INPP4B: variants seen among roughly 807,000 people sequenced by gnomAD.
INPP4B encodes the protein inositol polyphosphate 4-phosphatase type II.
A neutral mutation model predicts 122.5 loss-of-function variants in INPP4B; 55 were observed. That is an observed-to-expected ratio of 0.45 (90% CI 0.36 to 0.56). The LOEUF is 0.56. Ranked by LOEUF, INPP4B falls within the 20% of genes least tolerant of loss-of-function variation. INPP4B has a pLI of 0.00. For synonymous variants in INPP4B, 403 were observed against 388.7 expected (o/e 1.04, Z -0.43); for missense variants, 1,000 against 1,097.7 (o/e 0.91, Z 1.26).
intron 7 of INPP4B, among the ~76,000 whole-genome samples, chr4:142,383,439 C>A (rs1497389): frequency 0.27 from 40,378 of 151,992 alleles, 6,602 homozygotes; most frequent in South Asian, 0.39. Flanking sequence ...GGTTGTGGGT[C>A]AAACCTAACT....
At chr4:142,601,581 CAAAA>C (rs200657551) in intron 2 of INPP4B, among the ~76,000 whole-genome samples, 1 of 93,914 alleles carries the variant, frequency 1.1e-5, no homozygotes, top group Non-Finnish European at 2.2e-5. Context: ...ACTCCTATGT[CAAAA>C]AAAAAAAAAA....
At chr4:142,698,158 G>A (rs531485907) in intron 2 of INPP4B, among the ~76,000 whole-genome samples, 2 of 152,084 alleles carry the variant, frequency 1.3e-5, no homozygotes, top group African/African-American at 2.4e-5. Flanking sequence ...GCTACTGTTA[G>A]CATGAACATG....
intron 5 of INPP4B, among the ~76,000 whole-genome samples, chr4:142,413,175 T>C (rs1251768217): frequency 6.6e-6 from 1 of 152,214 alleles, no homozygotes; most frequent in Non-Finnish European, 1.5e-5. Context: ...TGGGTTTTTT[T>C]AGTTTGTTTT....
intron 2 of INPP4B, among the ~76,000 whole-genome samples, chr4:142,589,158 A>G (rs1382177107): frequency 1.3e-5 from 2 of 152,042 alleles, no homozygotes; most frequent in Non-Finnish European, 2.9e-5. Context: ...AAAATAACCA[A>G]GCACAAGGCT....
intron 2 of INPP4B, among the ~76,000 whole-genome samples, chr4:142,599,454 T>C (rs1739407756): frequency 6.6e-6 from 1 of 152,172 alleles, no homozygotes; most frequent in Admixed American, 6.5e-5. Flanking sequence ...ACAGAGAATA[T>C]GCTATGGCAC....
At chr4:142,068,160 G>T (rs578209798) in intron 25 of INPP4B, among the ~76,000 whole-genome samples, 1 of 152,214 alleles carries the variant, frequency 6.6e-6, no homozygotes, top group Non-Finnish European at 1.5e-5. Flanking sequence ...AGCCAGAAGA[G>T]AGTGGGGGCC....
rs1295778611 is a variant in INPP4B, at chr4:142,806,793, AAGAAAGAAAGAAAGAAAG to A, written c.-254+39398_-254+39415del. Among the ~76,000 whole-genome samples, 216 of 135,714 alleles carry A rather than the reference AAGAAAGAAAGAAAGAAAG, an allele frequency of 1.6e-3. 2 individuals carry two copies. The highest frequency in any genetic ancestry group is 4.2e-3 in the African/African-American group (150 of 35,618). 89.0% of individuals were successfully genotyped at this position (135,714 alleles called of 152,430 possible). A position where few individuals can be genotyped will look rare whatever the true frequency, so the allele number is the denominator to read the frequency against. ...AAAGAAAGAAAGAAAGAAGGAAAGA[AAGAAAGAAAGAAAGAAAG>A]AAAGAAAGAAAGAAAGAAAGAAAGA... On this transcript the variant is annotated intron_variant, in intron 1 of 25. Transcript: ENST00000262992.
At chr4:142,049,145 G>A (rs1017764608) in intron 25 of INPP4B, among the ~76,000 whole-genome samples, 7 of 151,756 alleles carry the variant, frequency 4.6e-5, no homozygotes, top group Admixed American at 2.0e-4. Flanking sequence ...CATTTTTACA[G>A]TAATTAAAAA....
intron 2 of INPP4B, among the ~76,000 whole-genome samples, chr4:142,486,387 T>A (rs764781595): frequency 5.9e-5 from 9 of 152,202 alleles, no homozygotes; most frequent in Non-Finnish European, 1.3e-4. Flanking sequence ...TTAAGCATTT[T>A]CATCATGCTT....
chr4:142,654,694 G>C (rs1753799604), intron 2 of INPP4B: 1 of 151,980 alleles, frequency 6.6e-6, no homozygotes, highest in Non-Finnish European at 1.5e-5. Flanking sequence ...ACATTACAAA[G>C]GAGACAAGGA....
intron 25 of INPP4B, among the ~76,000 whole-genome samples, chr4:142,058,801 C>T (rs960103630): frequency 5.3e-5 from 8 of 152,056 alleles, no homozygotes; most frequent in Admixed American, 6.6e-5. Flanking sequence ...ATACAGTTTT[C>T]CCTATTTCTA....
In INPP4B at chr4:142,609,402, A is replaced by G. The variant is rs368191541; in HGVS notation, c.-191+116437T>C. 1.3e-4 allele frequency among the ~76,000 whole-genome samples: 20 copies of G among 152,114 alleles called. No homozygotes were observed. In the East Asian group the frequency reaches 2.3e-3, roughly 18 times the overall value. The stretch of plus-strand genomic sequence containing the variant: ...GTTTTAAGTATGTGATTCTGTGCAC[A>G]TAAGTAAATGTGAGTTTTTATCCTA... On this transcript the variant is annotated intron_variant, in intron 2 of 25. Coordinates refer to ENST00000262992, the MANE Select transcript of INPP4B (RefSeq NM_001101669.3).
At chr4:142,525,057 A>C (rs1227977886) in intron 2 of INPP4B, among the ~76,000 whole-genome samples, 2 of 150,242 alleles carry the variant, frequency 1.3e-5, no homozygotes, top group Non-Finnish European at 3.0e-5. Flanking sequence ...ATACAAAATC[A>C]ATGTGCAAAA....
chr4:142,389,573 C>T (rs1797044987), intron 7 of INPP4B, among the ~76,000 whole-genome samples: 1 of 152,100 alleles, frequency 6.6e-6, no homozygotes, highest in South Asian at 2.1e-4. Context: ...TCATAAACTG[C>T]ATGTTTGGCT....
intron 1 of INPP4B, among the ~76,000 whole-genome samples, chr4:142,837,210 T>C (rs893779730): frequency 1.3e-5 from 2 of 150,746 alleles, no homozygotes; most frequent in South Asian, 2.1e-4. Flanking sequence ...GGTCTCAATA[T>C]GCAAACAGGT....
intron 3 of INPP4B, among the ~76,000 whole-genome samples, chr4:142,438,565 A>C (rs557494639): frequency 3.3e-4 from 50 of 152,338 alleles, no homozygotes; most frequent in Non-Finnish European, 6.5e-4. Flanking sequence ...GATGGTTTAA[A>C]GAGTTAAATG....
intron 2 of INPP4B, among the ~76,000 whole-genome samples, chr4:142,620,523 G>C (rs1196920983): frequency 2.6e-5 from 4 of 151,896 alleles, no homozygotes; most frequent in African/African-American, 9.7e-5. Flanking sequence ...TGGGGGAGGA[G>C]AGTGAGGATC....
intron 1 of INPP4B, chr4:142,767,675 C>G (rs546819363): frequency 1.5e-4 from 23 of 152,170 alleles, no homozygotes; most frequent in African/African-American, 5.1e-4. Flanking sequence ...GAAGGAGTTA[C>G]GAATGACAAG....
chr4:142,034,083 G>A (rs904125761), intron 25 of INPP4B, among the ~76,000 whole-genome samples: 3 of 152,114 alleles, frequency 2.0e-5, no homozygotes, highest in East Asian at 1.9e-4. Context: ...ATTCAGCTCC[G>A]AATATTGACA....
Sources: allele counts gnomAD v4.1 joint callset (sites outside exome capture counted in the v4.1 genomes callset), GRCh38; gene constraint gnomAD v4.1.1; transcripts MANE v1.5; gene names NCBI Gene and HGNC (gene_info 2026-07-23, HGNC 2026-07-21).